Variants in SPINK2 observed in about 807,000 individuals in gnomAD.
The protein encoded by SPINK2 is serine peptidase inhibitor Kazal type 2.
Under a neutral mutation model 13.5 loss-of-function variants are expected in SPINK2, and 8 were observed. The ratio of observed to expected loss-of-function variants is 0.59; its 90% CI spans 0.35 to 1.07. SPINK2 has a LOEUF of 1.07. Among genes scored for constraint, SPINK2 ranks in the 50% least tolerant of loss-of-function variants. SPINK2 has a pLI of 0.02. For synonymous variants in SPINK2, 76 were observed against 74.7 expected (o/e 1.02, Z -0.09); for missense variants, 148 against 180.3 (o/e 0.82, Z 1.03).
rs1456815713 is a variant in SPINK2 at position 56,821,658 on chromosome 4, G to A, written c.5C>T (p.Ala2Val). ...CAGCGCCAAGCGCAGCACCGACAGC[G>A]CCATCCTCCTCCCGCGCCGGCTGTC... M[A>V]LSVLRLALLL... The change falls in exon 1 of 4, where the codon GCG becomes GTG. Residue 2 changes from alanine to valine, a missense_variant. Transcript: ENST00000506738. 9 of 1,537,072 alleles carry A rather than the reference G, an allele frequency of 5.9e-6. No individual in the cohort carries two copies. Among genetic ancestry groups the A allele is most frequent in the Middle Eastern group, 1.9e-4 (1 of 5,202 alleles).
intron 2 of SPINK2, among the ~76,000 whole-genome samples, chr4:56,815,483 T>C (rs562058617): frequency 6.6e-6 from 1 of 152,244 alleles, no homozygotes; most frequent in South Asian, 2.1e-4. Context: ...GCAGATCACT[T>C]GAGGCCAGGA....
chr4:56,820,380 T>C (rs1270922434), intron 2 of SPINK2, among the ~76,000 whole-genome samples, 156 bp downstream of exon 2: 1 of 152,198 alleles, frequency 6.6e-6, no homozygotes, highest in Non-Finnish European at 1.5e-5. Flanking sequence ...ACTTACACTT[T>C]TATCTGAATC....
intron 2 of SPINK2, among the ~76,000 whole-genome samples, chr4:56,812,496 G>A (rs957045518): frequency 3.9e-4 from 57 of 147,022 alleles, no homozygotes; most frequent in African/African-American, 1.3e-3. Context: ...CAGAGGATGC[G>A]GTGAGCCGAG....
intron 2 of SPINK2, among the ~76,000 whole-genome samples, chr4:56,819,850 C>A (rs529952688): frequency 2.6e-5 from 4 of 152,058 alleles, no homozygotes; most frequent in African/African-American, 9.7e-5. Context: ...TTCCTGACCT[C>A]GTGATCTGCC....
intron 1 of SPINK2, 65 bp from the exon 2 acceptor site, chr4:56,820,644 T>A: frequency 7.2e-7 from 1 of 1,386,792 alleles, no homozygotes; most frequent in Non-Finnish European, 1.0e-6. Context: ...TCATGAAGTT[T>A]TTTTTTTTTT....
At chr4:56,819,503 C>T (rs781538) in intron 2 of SPINK2, among the ~76,000 whole-genome samples, 53,404 of 152,054 alleles carry the variant, frequency 0.35, 9,627 homozygotes, top group East Asian at 0.59. Context: ...GGAGGCCAGC[C>T]GGCTATAAGC....
At chr4:56,820,655 T>TTTTA in intron 1 of SPINK2, 76 bp from the exon 2 acceptor site, 3 of 1,213,796 alleles carry the variant, frequency 2.5e-6, no homozygotes, top group Non-Finnish European at 3.5e-6. Flanking sequence ...TTTTTTTTTT[T>TTTTA]AAATGAAGTC....
chr4:56,818,106 G>A (rs1199718625), intron 2 of SPINK2: 1 of 152,194 alleles, frequency 6.6e-6, no homozygotes, highest in Admixed American at 6.6e-5. Context: ...CCATTGAAAA[G>A]CCACTATGCT....
intron 2 of SPINK2, among the ~76,000 whole-genome samples, chr4:56,814,960 C>CAAAA (rs5858398): frequency 5.9e-5 from 6 of 102,540 alleles, no homozygotes; most frequent in Admixed American, 1.1e-4. Flanking sequence ...GACTCCGTCT[C>CAAAA]AAAAAAAAAA....
At chr4:56,810,297 G>T in intron 3 of SPINK2, 113 bp from the exon 4 acceptor site, 1 of 837,116 alleles carries the variant, frequency 1.2e-6, no homozygotes, top group Non-Finnish European at 1.8e-6. Flanking sequence ...TCCTTCCACA[G>T]CTACACTTAT....
chr4:56,818,997 G>T (rs1487787435), intron 2 of SPINK2, among the ~76,000 whole-genome samples: 1 of 152,134 alleles, frequency 6.6e-6, no homozygotes, highest in Non-Finnish European at 1.5e-5. Context: ...AAAAGCACTG[G>T]ATCTGGAGTC....
At chr4:56,817,180 C>T (rs527898241) in intron 2 of SPINK2, among the ~76,000 whole-genome samples, 4 of 152,034 alleles carry the variant, frequency 2.6e-5, no homozygotes, top group East Asian at 1.9e-4. Flanking sequence ...CCAGCCTGAG[C>T]GATAGAGCGA....
chr4:56,814,067 G>A (rs544737613), intron 2 of SPINK2, among the ~76,000 whole-genome samples: 2 of 151,546 alleles, frequency 1.3e-5, no homozygotes, highest in Non-Finnish European at 2.9e-5. Flanking sequence ...AGGATTAAAG[G>A]CACCCACCAC....
Position 56,821,658 on chromosome 4 carries a change from GC to G in SPINK2, c.4del (p.Ala2ArgfsTer70). ...CAGCGCCAAGCGCAGCACCGACAGC[GC>G]CATCCTCCTCCCGCGCCGGCTGTCT... M[A>X]LSVLRLALLL... On this transcript the variant is annotated frameshift_variant, in exon 1 of 4. Coordinates refer to ENST00000506738, the MANE Select transcript of SPINK2 (RefSeq NM_001271718.2). LOFTEE classifies it high-confidence loss of function. The G allele has an allele frequency of 6.5e-7, 1 of 1,537,186 alleles. No individual in the cohort carries two copies. The highest frequency in any genetic ancestry group is 1.4e-5 in the African/African-American group (1 of 71,940).
chr4:56,812,563 C>CAAAAAAAAAA lies in SPINK2; in HGVS notation c.250-779_250-770dup, dbSNP rs57162077. 5.3e-3 allele frequency among the ~76,000 whole-genome samples: 87 copies of CAAAAAAAAAA among 16,374 alleles called. 9 individuals carry two copies. The East Asian group carries it at 0.056, about 11-fold the overall frequency. 10.7% of individuals were successfully genotyped at this position (16,374 alleles called of 152,430 possible). On this transcript the variant is annotated intron_variant, in intron 2 of 3. Coordinates refer to ENST00000506738, the MANE Select transcript of SPINK2 (RefSeq NM_001271718.2). ...GGGCAACGAGAACGAAACTCCATCT[C>CAAAAAAAAAA]AAAAAAAAAAAAAAAAAAAAAAAAA...
rs1553894840 is a variant in SPINK2 at position 56,815,769 on chromosome 4, C to CACACACAT, written c.250-3976_250-3975insATGTGTGT. 6.1e-5 allele frequency among the ~76,000 whole-genome samples: 8 copies of CACACACAT among 131,288 alleles called. No homozygotes were observed. The East Asian group carries it at 2.2e-3, about 36-fold the overall frequency. 86.1% of individuals were successfully genotyped at this position (131,288 alleles called of 152,430 possible). ...TAGAAATTCCTAAGAAATTCACACACACACACACACACACACACACACACA... is the reference window on the plus strand; with the variant it reads ...TAGAAATTCCTAAGAAATTCACACACACACACATACACACACACACACACACACACACA... On this transcript the variant is annotated intron_variant, in intron 2 of 3. Transcript: ENST00000506738.
At chr4:56,815,648 T>C (rs1717376337) in intron 2 of SPINK2, among the ~76,000 whole-genome samples, 2 of 151,926 alleles carry the variant, frequency 1.3e-5, no homozygotes. Flanking sequence ...TGTAGTAAGC[T>C]GAGATTGTAC....
chr4:56,821,331 C>T, intron 1 of SPINK2, 127 bp downstream of exon 1: 1 of 1,399,706 alleles, frequency 7.1e-7, no homozygotes, highest in Non-Finnish European at 9.2e-7. Context: ...TGAAAATCTA[C>T]TTTAACAGAG....
intron 1 of SPINK2, among the ~76,000 whole-genome samples, chr4:56,820,822 T>C (rs1357608259): frequency 1.3e-5 from 2 of 152,194 alleles, no homozygotes; most frequent in Non-Finnish European, 2.9e-5. Flanking sequence ...CCACATCTTC[T>C]ATTTTCCCCT....
Sources: gnomAD v4.1 joint callset for allele counts (sites outside exome capture counted in the v4.1 genomes callset) on GRCh38, gnomAD v4.1.1 for gene constraint, MANE v1.5 for transcripts, NCBI Gene and HGNC (gene_info 2026-07-23, HGNC 2026-07-21) for gene names.